The following CDH23 variants were observed in gnomAD, a reference collection of about 807,000 sequenced individuals.
CDH23 encodes cadherin-23.
A neutral mutation model predicts 317.1 loss-of-function variants in CDH23; 189 were observed. The ratio of observed to expected loss-of-function variants is 0.60; its 90% confidence interval spans 0.53 to 0.67. CDH23 has a LOEUF of 0.67. CDH23 is among the 30% of genes least tolerant of loss of function. CDH23 has a pLI of 0.00. For synonymous variants in CDH23, 1,839 were observed against 1,876.8 expected (o/e 0.98, Z 0.52); for missense variants, 4,401 against 4,592.4 (o/e 0.96, Z 1.20).
At chr10:71,610,986 C>T (rs1184215583) in intron 9 of CDH23, among the ~76,000 whole-genome samples, 1 of 151,324 alleles carries the variant, frequency 6.6e-6, no homozygotes, top group South Asian at 2.1e-4. Context: ...CAGCACCTGT[C>T]CACCCAGGGG....
chr10:71,674,668 A>T (rs960404654), intron 14 of CDH23, among the ~76,000 whole-genome samples: 4 of 152,366 alleles, frequency 2.6e-5, no homozygotes, highest in African/African-American at 4.8e-5. Flanking sequence ...GGGGAAACTG[A>T]GGCATCAAGA....
chr10:71,806,190 T>A lies in CDH23; in HGVS notation c.8087T>A (p.Leu2696Gln). The change falls in exon 57 of 70, where the codon CTG becomes CAG. Residue 2696 changes from leucine (L) to glutamine (Q), a missense_variant. Coordinates refer to ENST00000224721, the MANE Select transcript of CDH23 (RefSeq NM_022124.6). ...VYSLILVASD[L>Q]GQPVPYETMQ... ...TAGCTCATCTTGGTGGCCAGCGACC[T>A]GGGCCAGCCAGTGCCATACGAGACT... 1 of 1,567,170 alleles carries A rather than the reference T, an allele frequency of 6.4e-7. No individual in the cohort carries two copies. The highest frequency in any genetic ancestry group is 8.6e-7 in the Non-Finnish European group (1 of 1,156,972).
At position 71,636,888 on chromosome 10, in the gene CDH23, A is replaced by G. The variant is rs533928608; in HGVS notation, c.1135-6973A>G. 2.0e-5 allele frequency among the ~76,000 whole-genome samples: 3 copies of G among 152,300 alleles called. No homozygotes were observed. The South Asian group carries it at 6.2e-4, about 32-fold the overall frequency. Reference sequence around the variant, plus strand: ...AGGCAGCAGGGCAGAGCCACCCACCATGTGACATGGGCTTGCTGGGTACCA... The same window carrying G: ...AGGCAGCAGGGCAGAGCCACCCACCGTGTGACATGGGCTTGCTGGGTACCA... On this transcript the variant is annotated intron_variant, in intron 11 of 69. Coordinates refer to ENST00000224721, the MANE Select transcript of CDH23 (RefSeq NM_022124.6).
At chr10:71,712,203 T>C (rs1865998625) in intron 27 of CDH23, 1 of 157,938 alleles carries the variant, frequency 6.3e-6, no homozygotes, top group African/African-American at 2.4e-5. Context: ...TAAGGACACT[T>C]GCCATTGGGT....
intron 30 of CDH23, among the ~76,000 whole-genome samples, chr10:71,728,295 G>C (rs1763795234): frequency 1.3e-5 from 2 of 151,830 alleles, no homozygotes; most frequent in African/African-American, 4.8e-5. Flanking sequence ...GGACATGTTA[G>C]TTTGCATAGT....
chr10:71,688,970 GT>G (rs142776040), intron 19 of CDH23, among the ~76,000 whole-genome samples: 2,541 of 5,010 alleles, frequency 0.51, 608 homozygotes, highest in East Asian at 0.55. Flanking sequence ...GGGTGGTGGA[GT>G]CCAGGGGTGG....
chr10:71,584,097 CTCTGG>C (rs1221720518), intron 9 of CDH23, among the ~76,000 whole-genome samples: 2 of 152,180 alleles, frequency 1.3e-5, no homozygotes, highest in East Asian at 3.9e-4. Context: ...CTTTGAGAAG[CTCTGG>C]TCTAAAGGAG....
At chr10:71,716,606 G>A (rs1866256130) in intron 28 of CDH23, 1 of 390,792 alleles carries the variant, frequency 2.6e-6, no homozygotes, top group South Asian at 8.5e-5. Context: ...GCAGACAAGA[G>A]GGCGGTGGCC....
intron 38 of CDH23, among the ~76,000 whole-genome samples, chr10:71,762,555 T>C (rs1402823060): frequency 1.3e-5 from 2 of 152,204 alleles, no homozygotes; most frequent in East Asian, 3.8e-4. Flanking sequence ...TGGCCTCCCC[T>C]TGAGCAGACG....
intron 9 of CDH23, 42 bp downstream of exon 9, chr10:71,578,034 C>A: frequency 6.5e-7 from 1 of 1,541,534 alleles, no homozygotes; most frequent in Non-Finnish European, 8.8e-7. Context: ...ACCCCTCTGT[C>A]CTCCACCCAA....
At chr10:71,787,310 G>A (rs1204680451) in intron 44 of CDH23, among the ~76,000 whole-genome samples, 1 of 149,562 alleles carries the variant, frequency 6.7e-6, no homozygotes, top group African/African-American at 2.5e-5. Flanking sequence ...TGGTGTGGGC[G>A]CTTTTCAGAT....
chr10:71,625,788 C>G (rs372599689), intron 11 of CDH23, among the ~76,000 whole-genome samples: 78 of 152,264 alleles, frequency 5.1e-4, no homozygotes, highest in Admixed American at 2.6e-3. Context: ...AGTTCTCAGC[C>G]CATCTGGGGA....
At chr10:71,505,904 A>G (rs1006374365) in intron 3 of CDH23, among the ~76,000 whole-genome samples, 5 of 152,250 alleles carry the variant, frequency 3.3e-5, no homozygotes, top group Non-Finnish European at 5.9e-5. Context: ...ATAATTAAAA[A>G]CAGATGTTCA....
At position 71,791,248 on chromosome 10, in the gene CDH23, C is replaced by G; in HGVS notation, c.6166C>G (p.Leu2056Val). The change falls in exon 47 of 70, where the codon CTC becomes GTC. Residue 2056 changes from leucine to valine, a missense_variant. Around this residue, in one of 3 missense-constraint regions of CDH23, gnomAD observed 3,068 missense variants for 3,203.3 expected, o/e 0.96. Transcript: ENST00000224721. ...GCTGCTCAACAGCACGGCCCACCTGCTCATCACCATCCTGGATGACAATGA... is the reference window on the plus strand; with the variant it reads ...GCTGCTCAACAGCACGGCCCACCTGGTCATCACCATCCTGGATGACAATGA... Reference protein sequence around the residue: ...IGLLNSTAHLLITILDDNDNR... With the variant: ...IGLLNSTAHLVITILDDNDNR... 6.2e-7 allele frequency: 1 copy of G among 1,613,640 alleles called. No homozygotes were observed. The highest frequency in any genetic ancestry group is 8.5e-7 in the Non-Finnish European group (1 of 1,179,634).
Position 71,694,174 on chromosome 10 carries a change from A to T in CDH23, c.2204A>T (p.Asp735Val). 6.2e-7 allele frequency: 1 copy of T among 1,613,510 alleles called. No homozygotes were observed. Among genetic ancestry groups the T allele is most frequent in the East Asian group, 2.2e-5 (1 of 44,846 alleles). Residue 735 changes from aspartate (D) to valine (V), a missense_variant, in exon 21 of 70, where the codon GAC becomes GTC. Physicochemically the swap from Asp to Val is radical, Grantham distance 152. Transcript: ENST00000224721. ...SGEITTTSLL[D>V]RETKSEYILI... Reference sequence around the variant, plus strand: ...GAAATCACCACCACGTCTCTGCTTGACCGAGAGACCAAGTCTGAATACATC... The same window carrying T: ...GAAATCACCACCACGTCTCTGCTTGTCCGAGAGACCAAGTCTGAATACATC...
intron 3 of CDH23, among the ~76,000 whole-genome samples, chr10:71,483,704 C>T (rs1383415456): frequency 6.6e-6 from 1 of 152,226 alleles, no homozygotes; most frequent in Non-Finnish European, 1.5e-5. Context: ...ATTTAATCCT[C>T]CTAGTGGCCT....
intron 28 of CDH23, among the ~76,000 whole-genome samples, chr10:71,723,258 T>G (rs1866638455): frequency 6.6e-6 from 1 of 152,128 alleles, no homozygotes. Flanking sequence ...TCCACTTGTT[T>G]TGGGTGGGCA....
chr10:71,804,729 G>A (rs1422035921), intron 55 of CDH23, among the ~76,000 whole-genome samples: 2 of 152,086 alleles, frequency 1.3e-5, no homozygotes, highest in Non-Finnish European at 2.9e-5. Context: ...GCAGGGACAG[G>A]GCTTACACCT....
At position 71,512,845 on chromosome 10, in the gene CDH23, C is replaced by G. The variant is rs187346700; in HGVS notation, c.429+1633C>G. Among the ~76,000 whole-genome samples the G allele has an allele frequency of 7.1e-4, 108 of 152,350 alleles. 3 individuals are homozygous for G. Among genetic ancestry groups the G allele is most frequent in the Admixed American group, 7.0e-3 (107 of 15,300 alleles). ...TATTTAACAAATATTTATTGAATGT[C>G]TGCTGTGGGCTTGGCTCTGAGCCAG... On this transcript the variant is annotated intron_variant, in intron 6 of 69. Transcript: ENST00000224721.
Sources: allele counts gnomAD v4.1 joint callset (sites outside exome capture counted in the v4.1 genomes callset), GRCh38; gene constraint gnomAD v4.1.1; regional missense constraint gnomAD v4.1.1; transcripts MANE v1.5; gene names NCBI Gene and HGNC (gene_info 2026-07-23, HGNC 2026-07-21).